AARS1: variants seen among roughly 807,000 people sequenced by gnomAD.
AARS1 encodes alanyl-tRNA synthetase 1.
A neutral mutation model predicts 108.9 loss-of-function variants in AARS1; 72 were observed. The observed-to-expected ratio is 0.66, with a 90% CI of 0.55 to 0.80. The LOEUF (loss-of-function observed/expected upper bound fraction) is 0.80, where lower values mean the gene tolerates loss of function less well. Ranked by LOEUF, AARS1 falls within the 30% of genes least tolerant of loss-of-function variation. The pLI is 0.00. For missense variants in AARS1, 1,193 were observed against 1,233.2 expected (o/e 0.97, Z 0.49); for synonymous variants, 489 against 465.7 (o/e 1.05, Z -0.64).
rs7186024 is a variant in AARS1 at position 70,289,391 on chromosome 16, G to A, written c.-22+30C>T. 0.034 allele frequency: 12,663 copies of A among 369,648 alleles called. 1,510 individuals are homozygous for A. Among genetic ancestry groups the A allele is most frequent in the African/African-American group, 0.25 (11,710 of 47,410 alleles). 22.9% of individuals were successfully genotyped at this position (369,648 alleles called of 1,614,324 possible). A position where few individuals can be genotyped will look rare whatever the true frequency, so the allele number is the denominator to read the frequency against. On this transcript the variant is annotated intron_variant, in intron 1 of 20. Coordinates refer to ENST00000261772, the MANE Select transcript of AARS1 (RefSeq NM_001605.3). ...GTCTGCGGGCCCAGCCGCTCTCCTAGCACCGCAGAGCTCTCCGAGGGCGGC... is the reference window on the plus strand; with the variant it reads ...GTCTGCGGGCCCAGCCGCTCTCCTAACACCGCAGAGCTCTCCGAGGGCGGC...
chr16:70,260,379 A>G (rs774788276), intron 13 of AARS1, among the ~76,000 whole-genome samples: 3 of 152,168 alleles, frequency 2.0e-5, no homozygotes, highest in Non-Finnish European at 4.4e-5. Flanking sequence ...TGAGCTTTTT[A>G]GAACATACAC....
intron 7 of AARS1, 133 bp downstream of exon 7, chr16:70,269,485 G>C: frequency 7.5e-7 from 1 of 1,339,432 alleles, no homozygotes; most frequent in South Asian, 1.3e-5. Flanking sequence ...AGTGAGGCAA[G>C]ATCACGCCAT....
chr16:70,258,801 C>T (rs1311019329), intron 14 of AARS1, among the ~76,000 whole-genome samples, 179 bp downstream of exon 14: 2 of 152,112 alleles, frequency 1.3e-5, no homozygotes, highest in Non-Finnish European at 2.9e-5. Flanking sequence ...GTGATCCGCC[C>T]GCCTCGGCCT....
rs1175785733 is a variant in AARS1 at position 70,273,691 on chromosome 16, T to C, written c.480-1719A>G. Among the ~76,000 whole-genome samples, 9 of 151,698 alleles carry C rather than the reference T, an allele frequency of 5.9e-5. No homozygotes were observed. In the East Asian group the frequency reaches 1.4e-3, roughly 23 times the overall value. On this transcript the variant is annotated intron_variant, in intron 4 of 20. Transcript: ENST00000261772. The stretch of plus-strand genomic sequence containing the variant: ...TCCTGGCTGACACGGTGAAACCCCG[T>C]CTCTACTAAAAAATACAAAAAATTA...
intron 5 of AARS1, among the ~76,000 whole-genome samples, chr16:70,270,742 C>G (rs546987584): frequency 6.7e-6 from 1 of 149,358 alleles, no homozygotes; most frequent in Admixed American, 6.8e-5. Flanking sequence ...GAGGCTGAAG[C>G]AGGAGAATCG....
intron 2 of AARS1, among the ~76,000 whole-genome samples, chr16:70,278,986 C>T (rs978019516): frequency 1.3e-5 from 2 of 152,100 alleles, no homozygotes; most frequent in African/African-American, 4.8e-5. Flanking sequence ...AGTTATTGTA[C>T]GCGAAGGACA....
Position 70,282,585 on chromosome 16 carries a change from G to A in AARS1, c.144+35C>T, listed in dbSNP as rs113726987. The A allele has an allele frequency of 5.0e-6, 8 of 1,613,226 alleles. No homozygotes were observed. In the African/African-American group the frequency reaches 5.3e-5, roughly 11 times the overall value. On this transcript the variant is annotated intron_variant, in intron 2 of 20. Transcript: ENST00000261772. ...ATCTGGGCTCTGCTGCCTCTTATGT[G>A]AACCAAAAGCCAAGAAAAAAGGAAA... is the stretch of plus-strand genomic sequence containing the variant.
chr16:70,258,885 T>C (rs1960062702), intron 14 of AARS1, 95 bp downstream of exon 14: 7 of 1,391,226 alleles, frequency 5.0e-6, no homozygotes, highest in Non-Finnish European at 7.1e-6. Context: ...GCAGGACGAA[T>C]CTGATACAAC....
rs376700046 is a variant in AARS1 at position 70,271,875 on chromosome 16, C to T, written c.577G>A (p.Asp193Asn). 11 of 1,613,992 alleles carry T rather than the reference C, an allele frequency of 6.8e-6. No individual in the cohort carries two copies. The highest frequency in any genetic ancestry group is 2.7e-5 in the African/African-American group (2 of 74,902). ...PCGPCSEIHYDRIGGRDAAHL... is the reference protein window; with the variant it reads ...PCGPCSEIHYNRIGGRDAAHL... ...GCGGCGTCCCGACCACCAATCCGGT[C>T]GTAGTGGATCTCACTGCAAGGACCA... The change falls in exon 5 of 21, where the codon GAC becomes AAC. Residue 193 changes from aspartate to asparagine, a missense_variant. Asp to Asn is a conservative substitution (Grantham distance 23, BLOSUM62 1). Transcript: ENST00000261772.
chr16:70,276,852 G>A (rs1960564285), intron 3 of AARS1, 114 bp downstream of exon 3: 3 of 1,306,284 alleles, frequency 2.3e-6, no homozygotes, highest in African/African-American at 1.5e-5. Flanking sequence ...ATTCATTCCT[G>A]AATCACCTAG....
chr16:70,276,830 T>G, intron 3 of AARS1, 136 bp downstream of exon 3: 1 of 1,209,500 alleles, frequency 8.3e-7, no homozygotes, highest in East Asian at 2.5e-5. Flanking sequence ...AGTCTTAGAA[T>G]TAATAAATGC....
chr16:70,261,353 T>C, intron 12 of AARS1, 196 bp from the exon 13 acceptor site: 1 of 448,374 alleles, frequency 2.2e-6, no homozygotes, highest in Non-Finnish European at 4.2e-6. Flanking sequence ...CCCAGCACTT[T>C]GGGAGGCTCA....
Position 70,255,831 on chromosome 16 carries a change from A to G in AARS1, c.2183T>C (p.Leu728Pro), listed in dbSNP as rs1308462647. The change falls in exon 16 of 21, where the codon CTG (leucine) becomes CCG (proline). Residue 728 changes from leucine to proline, a missense_variant. Physicochemically the swap from Leu to Pro is moderately conservative, Grantham distance 98. Coordinates refer to ENST00000261772, the MANE Select transcript of AARS1 (RefSeq NM_001605.3). ...AGCTCCTGCATGACTCGAGTTCCGC[A>G]GGTGCCTGAATGGCAGAACACAAAG... Reference protein sequence around the residue: ...TSVEFCGGTHLRNSSHAGAFV... With the variant: ...TSVEFCGGTHPRNSSHAGAFV... The G allele has an allele frequency of 6.2e-7, 1 of 1,613,218 alleles. No homozygotes were observed. Among genetic ancestry groups the G allele is most frequent in the Non-Finnish European group, 8.5e-7 (1 of 1,179,592 alleles).
At chr16:70,267,920 C>G (rs1048144698) in intron 8 of AARS1, 111 bp from the exon 9 acceptor site, 17 of 1,497,616 alleles carry the variant, frequency 1.1e-5, no homozygotes, top group Non-Finnish European at 1.5e-5. Flanking sequence ...GTAATCCTAC[C>G]ACTTTGGGAA....
intron 11 of AARS1, among the ~76,000 whole-genome samples, chr16:70,262,995 A>AAAAAAAAAAAAC (rs1174659809): frequency 1.2e-4 from 15 of 128,780 alleles, no homozygotes; most frequent in South Asian, 2.2e-4. Flanking sequence ...AAAAAAAAAA[A>AAAAAAAAAAAAC]AAACAACAAC....
intron 1 of AARS1, among the ~76,000 whole-genome samples, chr16:70,284,496 G>C (rs1261836358): frequency 3.4e-5 from 5 of 147,470 alleles, no homozygotes; most frequent in East Asian, 2.0e-4. Context: ...CAGTTACTCG[G>C]AAAGCTGAGG....
At position 70,262,264 on chromosome 16, in the gene AARS1, C is replaced by T. The variant is rs1243473421; in HGVS notation, c.1671+82G>A. ...AGGTGTGTCAGGTCTGCTCCCAAGG[C>T]CTGGAGCACTGTGGGGCAAAAGCAG... On this transcript the variant is annotated intron_variant, in intron 12 of 20. Transcript: ENST00000261772. The T allele has an allele frequency of 3.2e-6, 5 of 1,545,438 alleles. No individual in the cohort carries two copies. In the African/African-American group the frequency reaches 6.8e-5, roughly 21 times the overall value.
intron 4 of AARS1, among the ~76,000 whole-genome samples, chr16:70,272,924 A>ACACACACACACACAC (rs1567608986): frequency 1.5e-4 from 23 of 151,002 alleles, no homozygotes; most frequent in East Asian, 3.9e-4. Context: ...ACACACACAC[A>ACACACACACACACAC]AAAGATTGTG....
intron 7 of AARS1, 83 bp from the exon 8 acceptor site, chr16:70,268,462 C>A: frequency 8.7e-7 from 1 of 1,148,456 alleles, no homozygotes; most frequent in Non-Finnish European, 1.3e-6. Flanking sequence ...CAAAGCAACA[C>A]CTCTTTCAGG....
Sources: gnomAD v4.1 joint callset for allele counts (sites outside exome capture counted in the v4.1 genomes callset) on GRCh38, gnomAD v4.1.1 for gene constraint, MANE v1.5 for transcripts, NCBI Gene and HGNC (gene_info 2026-07-23, HGNC 2026-07-21) for gene names.